Variants in SHISA6 observed in about 807,000 individuals in gnomAD.
SHISA6 encodes the protein protein shisa-6.
Under a neutral mutation model 47.9 loss-of-function variants are expected in SHISA6, and 22 were observed. That is an observed-to-expected ratio of 0.46 (90% CI 0.33 to 0.66). SHISA6 has a LOEUF of 0.66. Ranked by LOEUF, SHISA6 falls within the 30% of genes least tolerant of loss-of-function variation. The pLI, the probability that SHISA6 is intolerant of heterozygous loss-of-function variation, is 0.02. For synonymous variants in SHISA6, 388 were observed against 337.8 expected (o/e 1.15, Z -1.63); for missense variants, 680 against 764.6 (o/e 0.89, Z 1.30).
At chr17:11,539,958 A>C (rs1325312302) in intron 3 of SHISA6, among the ~76,000 whole-genome samples, 1 of 152,198 alleles carries the variant, frequency 6.6e-6, no homozygotes, top group African/African-American at 2.4e-5. Flanking sequence ...AACAGACTGC[A>C]TGCATATCCC....
chr17:11,305,147 T>C (rs1003618784), intron 2 of SHISA6, among the ~76,000 whole-genome samples: 1 of 152,196 alleles, frequency 6.6e-6, no homozygotes, highest in African/African-American at 2.4e-5. Flanking sequence ...GAACAACTTT[T>C]GTGCCTCCTT....
chr17:11,251,579 T>G (rs2142137182), intron 1 of SHISA6, among the ~76,000 whole-genome samples: 1 of 152,228 alleles, frequency 6.6e-6, no homozygotes, highest in South Asian at 2.1e-4. Flanking sequence ...TTTTAATTAC[T>G]GAGATGTAGA....
At position 11,423,637 on chromosome 17, in the gene SHISA6, A is replaced by C. The variant is rs1452756174; in HGVS notation, c.895+44128A>C. Among the ~76,000 whole-genome samples, 3 of 152,298 alleles carry C rather than the reference A, an allele frequency of 2.0e-5. No homozygotes were observed. The East Asian group carries it at 5.8e-4, about 29-fold the overall frequency. On this transcript the variant is annotated intron_variant, in intron 3 of 5. Coordinates refer to ENST00000441885, the MANE Select transcript of SHISA6 (RefSeq NM_207386.4). ...GAAATATACTAGAAAGGCAAGCCAC[A>C]GAATCTCTGAAAGAAAAAAGAACGT... is the stretch of plus-strand genomic sequence containing the variant.
chr17:11,460,337 A>G (rs551719795), intron 3 of SHISA6, among the ~76,000 whole-genome samples: 102 of 152,336 alleles, frequency 6.7e-4, no homozygotes, highest in Non-Finnish European at 1.1e-3. Flanking sequence ...TCCAGCAGAA[A>G]AAAAACAACG....
chr17:11,305,447 CCT>C (rs755430013), intron 2 of SHISA6, among the ~76,000 whole-genome samples: 7 of 152,164 alleles, frequency 4.6e-5, no homozygotes, highest in Non-Finnish European at 8.8e-5. Context: ...CTGGAGAGCC[CCT>C]GAAATGGCGG....
At chr17:11,283,720 A>T (rs1326562960) in intron 2 of SHISA6, among the ~76,000 whole-genome samples, 3 of 152,210 alleles carry the variant, frequency 2.0e-5, no homozygotes, top group Non-Finnish European at 2.9e-5. Context: ...TTGTTGGAAC[A>T]GGGAAGAAGC....
chr17:11,352,314 AC>A (rs1188244866), intron 2 of SHISA6, among the ~76,000 whole-genome samples: 2 of 152,178 alleles, frequency 1.3e-5, no homozygotes, highest in Non-Finnish European at 2.9e-5. Context: ...GAAAAAAAAA[AC>A]CCTGAACAAT....
chr17:11,525,419 G>A lies in SHISA6; in HGVS notation c.896-26477G>A, dbSNP rs547492159. Among the ~76,000 whole-genome samples, 5 of 150,970 alleles carry A rather than the reference G, an allele frequency of 3.3e-5. No homozygotes were observed. The South Asian group carries it at 1.1e-3, about 32-fold the overall frequency. ...GGAGGCCAAGGTGGGCAGACGACAA[G>A]GTCAAGAGATTGAGACCATCCTGGC... On this transcript the variant is annotated intron_variant, in intron 3 of 5. Coordinates refer to ENST00000441885, the MANE Select transcript of SHISA6 (RefSeq NM_207386.4).
At chr17:11,547,558 C>T (rs1294224049) in intron 3 of SHISA6, among the ~76,000 whole-genome samples, 1 of 152,028 alleles carries the variant, frequency 6.6e-6, no homozygotes, top group Non-Finnish European at 1.5e-5. Context: ...GGAATAGTGC[C>T]AGAGAGAAAT....
intron 3 of SHISA6, among the ~76,000 whole-genome samples, chr17:11,437,174 C>G (rs972494853): frequency 6.6e-6 from 1 of 152,226 alleles, no homozygotes; most frequent in Non-Finnish European, 1.5e-5. Context: ...TTGAATGAGC[C>G]GTGACCTCTG....
At position 11,375,412 on chromosome 17, in the gene SHISA6, G is replaced by A. The variant is rs569991824; in HGVS notation, c.800-4002G>A. On this transcript the variant is annotated intron_variant, in intron 2 of 5. Coordinates refer to ENST00000441885, the MANE Select transcript of SHISA6 (RefSeq NM_207386.4). ...CCTTTATCAGCTTCCTTGTGTATCC[G>A]TTCTCTAGTCCAGATCTGCAACCCG... Among the ~76,000 whole-genome samples, 27 of 151,966 alleles carry A rather than the reference G, an allele frequency of 1.8e-4. No individual in the cohort carries two copies. In the South Asian group the frequency reaches 4.0e-3, roughly 22 times the overall value.
chr17:11,509,941 A>G (rs918882506), intron 3 of SHISA6, among the ~76,000 whole-genome samples: 1 of 152,146 alleles, frequency 6.6e-6, no homozygotes, highest in Non-Finnish European at 1.5e-5. Context: ...GTCCATAAAG[A>G]AAGAAGCAGA....
intron 2 of SHISA6, among the ~76,000 whole-genome samples, chr17:11,343,092 C>T (rs143878000): frequency 6.6e-6 from 1 of 152,352 alleles, no homozygotes; most frequent in African/African-American, 2.4e-5. Context: ...TCCTAATTCT[C>T]ATTCCAGTTC....
At chr17:11,528,653 T>C (rs1372707280) in intron 3 of SHISA6, among the ~76,000 whole-genome samples, 1 of 151,928 alleles carries the variant, frequency 6.6e-6, no homozygotes, top group African/African-American at 2.4e-5. Context: ...AACAAAGAAC[T>C]GGCTGATATT....
intron 3 of SHISA6, among the ~76,000 whole-genome samples, chr17:11,449,278 C>T (rs1178021692): frequency 6.6e-6 from 1 of 151,772 alleles, no homozygotes; most frequent in African/African-American, 2.4e-5. Flanking sequence ...CTCGTCTCTA[C>T]TAAAATACAA....
rs189368349 is a variant in SHISA6, at chr17:11,352,001, T to C, written c.800-27413T>C. On this transcript the variant is annotated intron_variant, in intron 2 of 5. Transcript: ENST00000441885. ...ATAACTTTAAATTTTTGGTGAGATA[T>C]TGGTATGGAGATATGCCTCAAGATG... Among the ~76,000 whole-genome samples, 267 of 152,172 alleles carry C rather than the reference T, an allele frequency of 1.8e-3. 1 individual carries two copies. The highest frequency in any genetic ancestry group is 5.8e-3 in the African/African-American group (241 of 41,514).
chr17:11,247,924 G>A (rs540582149), intron 1 of SHISA6, among the ~76,000 whole-genome samples: 9 of 152,020 alleles, frequency 5.9e-5, no homozygotes, highest in East Asian at 1.9e-4. Flanking sequence ...ACAGGCGCCC[G>A]CCACCACACC....
rs116085453 is a variant in SHISA6 at position 11,366,072 on chromosome 17, C to T, written c.800-13342C>T. Among the ~76,000 whole-genome samples, 911 of 152,202 alleles carry T rather than the reference C, an allele frequency of 6.0e-3. 8 individuals are homozygous for T. Among genetic ancestry groups the T allele is most frequent in the African/African-American group, 0.02 (826 of 41,520 alleles). ...AGGAATTTGCTATGGCTATAGGGAG[C>T]CAAGGGAAAAGTGGTGTGAGGGAGG... On this transcript the variant is annotated intron_variant, in intron 2 of 5. Coordinates refer to ENST00000441885, the MANE Select transcript of SHISA6 (RefSeq NM_207386.4).
chr17:11,461,266 G>A (rs767087015), intron 3 of SHISA6, among the ~76,000 whole-genome samples: 17 of 151,860 alleles, frequency 1.1e-4, no homozygotes, highest in South Asian at 2.1e-4. Context: ...GCATGGTGGC[G>A]GGCACCTGTA....
Sources: gnomAD v4.1 joint callset for allele counts (sites outside exome capture counted in the v4.1 genomes callset) on GRCh38, gnomAD v4.1.1 for gene constraint, MANE v1.5 for transcripts, NCBI Gene and HGNC (gene_info 2026-07-23, HGNC 2026-07-21) for gene names.